SMURF1: variants seen among roughly 807,000 people sequenced by gnomAD.
SMURF1 encodes the protein E3 ubiquitin-protein ligase SMURF1.
SMURF1 carries 44 observed loss-of-function variants against 98.0 expected under a neutral mutation model. That is an observed-to-expected ratio of 0.45 (90% CI 0.35 to 0.58). The LOEUF is 0.58. Ranked by LOEUF, SMURF1 falls within the 20% of genes least tolerant of loss-of-function variation. SMURF1 has a pLI of 0.00. For synonymous variants in SMURF1, 396 were observed against 374.9 expected, an observed-to-expected ratio of 1.06 and a Z score of -0.65; for missense variants, 687 against 938.4, an observed-to-expected ratio of 0.73 and a Z score of 3.50.
At chr7:99,040,047 G>T (rs1347822655) in intron 13 of SMURF1, among the ~76,000 whole-genome samples, 5 of 152,138 alleles carry the variant, frequency 3.3e-5, no homozygotes, top group Admixed American at 1.3e-4. Flanking sequence ...GGAAACAAAA[G>T]AAACTAGTCC....
intron 1 of SMURF1, among the ~76,000 whole-genome samples, chr7:99,069,605 C>T (rs1019108931): frequency 6.6e-6 from 1 of 152,158 alleles, no homozygotes; most frequent in African/African-American, 2.4e-5. Flanking sequence ...AATCCTCCCG[C>T]CTCAGCCTCC....
At chr7:99,057,601 T>TTG (rs1554440696) in intron 3 of SMURF1, 50 bp from the exon 4 acceptor site, 132,739 of 1,423,270 alleles carry the variant, frequency 0.093, 3,098 homozygotes, top group South Asian at 0.11. Context: ...GTTTTTTTTG[T>TTG]TTTGTTTTTT....
At position 99,052,465 on chromosome 7, in the gene SMURF1, G is replaced by A. The variant is rs980918563; in HGVS notation, c.480-19C>T. On this transcript the variant is annotated intron_variant, in intron 6 of 17. Transcript: ENST00000361368. ...CACCGTTCTGAAAGGGACGAGAGCA[G>A]GCAGGCATGGTGTCACCATGGAGGA... The A allele has an allele frequency of 2.0e-6, 3 of 1,509,352 alleles. No homozygotes were observed. Among genetic ancestry groups the A allele is most frequent in the Non-Finnish European group, 2.7e-6 (3 of 1,125,364 alleles). The allele number at this position is 1,509,352 out of a possible 1,614,324, so 93.5% of individuals were successfully genotyped here.
chr7:99,037,043 C>T (rs770280686), intron 15 of SMURF1, 24 bp downstream of exon 15: 43 of 1,612,836 alleles, frequency 2.7e-5, no homozygotes, highest in Middle Eastern at 3.8e-4. Flanking sequence ...CGCCCTGGGT[C>T]GACTCCGCAC....
intron 1 of SMURF1, among the ~76,000 whole-genome samples, chr7:99,078,231 G>A (rs1290321484): frequency 6.6e-6 from 1 of 151,622 alleles, no homozygotes; most frequent in Non-Finnish European, 1.5e-5. Context: ...GAACCTGGGA[G>A]GCAGAGGTTG....
At chr7:99,033,320 C>T (rs1033775103) in intron 16 of SMURF1, among the ~76,000 whole-genome samples, 199 bp from the exon 17 acceptor site, 2 of 152,096 alleles carry the variant, frequency 1.3e-5, no homozygotes, top group Admixed American at 6.6e-5. Context: ...AAAATTCAGA[C>T]ACTTTTTTGA....
At chr7:99,078,675 C>A (rs1796516549) in intron 1 of SMURF1, among the ~76,000 whole-genome samples, 1 of 152,214 alleles carries the variant, frequency 6.6e-6, no homozygotes, top group South Asian at 2.1e-4. Context: ...CTCATAGGAG[C>A]ATGAACCCTG....
intron 1 of SMURF1, among the ~76,000 whole-genome samples, chr7:99,123,264 G>A (rs1797681478): frequency 6.6e-6 from 1 of 152,160 alleles, no homozygotes; most frequent in South Asian, 2.1e-4. Flanking sequence ...TGGCCAGGGC[G>A]TGGTGGCTTA....
At chr7:99,041,394 T>C (rs960792541) in intron 12 of SMURF1, among the ~76,000 whole-genome samples, 1 of 151,828 alleles carries the variant, frequency 6.6e-6, no homozygotes, top group African/African-American at 2.4e-5. Flanking sequence ...ACAGCGAGAC[T>C]CTCTCTCAAA....
Position 99,052,209 on chromosome 7 carries a change from G to A in SMURF1, c.717C>T (p.Gly239=). Residue 239 remains glycine, a synonymous_variant, in exon 7 of 18, where the codon GGC becomes GGT. Transcript: ENST00000361368. ...CAGCAGGATACATTCTCTCACCGTA[G>A]CCTTCGGGCAGTTCCGGGGACTGGT... ...HGHQSPELPE[G]YEQRTTVQGQ... is the part of the protein sequence containing the mutation. The A allele has an allele frequency of 6.4e-7, 1 of 1,554,002 alleles. No homozygotes were observed. The highest frequency in any genetic ancestry group is 8.7e-7 in the Non-Finnish European group (1 of 1,146,628).
intron 6 of SMURF1, among the ~76,000 whole-genome samples, chr7:99,053,622 T>C (rs1200307421): frequency 2.0e-5 from 3 of 152,252 alleles, no homozygotes; most frequent in African/African-American, 7.2e-5. Context: ...CTGGGTTGTC[T>C]GTCCTACAGA....
Position 99,052,361 on chromosome 7 carries a change from C to G in SMURF1, c.565G>C (p.Ala189Pro), listed in dbSNP as rs750500632. 1.2e-6 allele frequency: 2 copies of G among 1,612,546 alleles called. No homozygotes were observed. Among genetic ancestry groups the G allele is most frequent in the South Asian group, 2.2e-5 (2 of 90,430 alleles). The change falls in exon 7 of 18, where the codon GCT becomes CCT. Residue 189 changes from alanine to proline, a missense_variant. Coordinates refer to ENST00000361368, the MANE Select transcript of SMURF1 (RefSeq NM_181349.3). ...PAPYTDSTGA[A>P]AGGGNCRFVE... is the part of the protein sequence containing the mutation. The stretch of plus-strand genomic sequence containing the variant: ...AACCTGCAATTCCCTCCTCCAGCAG[C>G]AGCACCGGTGCTATCTGTGTAAGGG...
chr7:99,032,916 A>T (rs1794965587), intron 17 of SMURF1, 121 bp downstream of exon 17: 2 of 1,154,920 alleles, frequency 1.7e-6, no homozygotes, highest in African/African-American at 1.5e-5. Flanking sequence ...TTGAGTTCTG[A>T]TGATGACAAA....
intron 1 of SMURF1, among the ~76,000 whole-genome samples, chr7:99,086,395 T>TAA (rs55763626): frequency 7.0e-6 from 1 of 142,704 alleles, no homozygotes; most frequent in African/African-American, 2.6e-5. Flanking sequence ...CTAAGATAGT[T>TAA]AAAAAAAAAA....
chr7:99,092,578 G>A (rs1796837594), intron 1 of SMURF1, among the ~76,000 whole-genome samples: 1 of 152,114 alleles, frequency 6.6e-6, no homozygotes, highest in Non-Finnish European at 1.5e-5. Flanking sequence ...TCTTTTCATG[G>A]TCTATTTAGT....
intron 17 of SMURF1, chr7:99,031,333 C>G (rs1438131081): frequency 6.6e-6 from 1 of 152,158 alleles, no homozygotes; most frequent in Non-Finnish European, 1.5e-5. Flanking sequence ...ACTTCTGACT[C>G]GATATTTCCA....
At chr7:99,105,799 G>A (rs1797181733) in intron 1 of SMURF1, among the ~76,000 whole-genome samples, 1 of 152,182 alleles carries the variant, frequency 6.6e-6, no homozygotes, top group Non-Finnish European at 1.5e-5. Flanking sequence ...CACACAGTTG[G>A]ATGAAGACTC....
At chr7:99,103,784 T>G (rs1259308627) in intron 1 of SMURF1, among the ~76,000 whole-genome samples, 1 of 152,116 alleles carries the variant, frequency 6.6e-6, no homozygotes. Context: ...ACACACACAG[T>G]AGGACACAAA....
At chr7:99,042,988 A>AGAT (rs1795443894) in intron 11 of SMURF1, among the ~76,000 whole-genome samples, 1 of 152,240 alleles carries the variant, frequency 6.6e-6, no homozygotes, top group Non-Finnish European at 1.5e-5. Context: ...CTGCCAGAAG[A>AGAT]GATGAGACTC....
Sources: gnomAD v4.1 joint callset for allele counts (sites outside exome capture counted in the v4.1 genomes callset) on GRCh38, gnomAD v4.1.1 for gene constraint, MANE v1.5 for transcripts, NCBI Gene and HGNC (gene_info 2026-07-23, HGNC 2026-07-21) for gene names.